PALM3: variants seen among roughly 807,000 people sequenced by gnomAD.
PALM3 encodes the protein paralemmin 3.
A neutral mutation model predicts 27.9 loss-of-function variants in PALM3; 20 were observed. The observed-to-expected ratio is 0.72, with a 90% confidence interval of 0.50 to 1.04. The LOEUF (loss-of-function observed/expected upper bound fraction) is 1.04, where lower values mean the gene tolerates loss of function less well. PALM3 is among the 50% of genes least tolerant of loss of function. The pLI is 0.00. For missense variants in PALM3, 814 were observed against 869.4 expected (o/e 0.94, Z 0.80); for synonymous variants, 328 against 352.7 (o/e 0.93, Z 0.79).
chr19:14,054,977 A>ACG lies in PALM3; in HGVS notation c.693_694dup (p.Val232AlafsTer3). ...CAGCCCTTCCCACACCACACTCACC[A>ACG]CGCCCCCTCCTTTGGCCTCACCCAC... is the stretch of plus-strand genomic sequence containing the variant. On this transcript the variant is annotated frameshift_variant, in exon 7 of 7. Transcript: ENST00000669674. LOFTEE classifies it low-confidence loss of function (END_TRUNC). 6.5e-7 allele frequency: 1 copy of ACG among 1,548,334 alleles called. No individual in the cohort carries two copies. Among genetic ancestry groups the ACG allele is most frequent in the Non-Finnish European group, 8.7e-7 (1 of 1,145,854 alleles).
Position 14,053,894 on chromosome 19 carries a change from T to C in PALM3, c.1778A>G (p.Gln593Arg), listed in dbSNP as rs1976237529. ...CTCCAGGGCTCCTACTGGCTTCTCC[T>C]GGGGCTGGGGTCCTTCCTTCTCTGG... is the stretch of plus-strand genomic sequence containing the variant. ...TRPEKEGPQP[Q>R]EKPVGALEEE... is the part of the protein sequence containing the mutation. Residue 593 changes from glutamine (Q) to arginine (R), a missense_variant, in exon 7 of 7, where the codon CAG becomes CGG. Gln to Arg is a conservative substitution (Grantham distance 43). Coordinates refer to ENST00000669674, the MANE Select transcript of PALM3 (RefSeq NM_001145028.2). 1 of 1,551,604 alleles carries C rather than the reference T, an allele frequency of 6.4e-7. No homozygotes were observed. Among genetic ancestry groups the C allele is most frequent in the South Asian group, 1.2e-5 (1 of 84,068 alleles).
chr19:14,053,749 C>T lies in PALM3; in HGVS notation c.1923G>A (p.Gln641=). ...EQPAECQPLL[Q]GEGPSANPSA... The stretch of plus-strand genomic sequence containing the variant: ...TGGGGTTGGCGCTGGGCCCCTCCCC[C>T]TGAAGCAGTGGCTGGCATTCGGCGG... The change falls in exon 7 of 7, where the codon CAG becomes CAA. Residue 641 remains glutamine, a synonymous_variant. Coordinates refer to ENST00000669674, the MANE Select transcript of PALM3 (RefSeq NM_001145028.2). The T allele has an allele frequency of 6.5e-7, 1 of 1,534,912 alleles. No homozygotes were observed. The highest frequency in any genetic ancestry group is 8.8e-7 in the Non-Finnish European group (1 of 1,139,388).
At chr19:14,059,776 G>C (rs957892162) in intron 1 of PALM3, among the ~76,000 whole-genome samples, 42 of 152,028 alleles carry the variant, frequency 2.8e-4, no homozygotes, top group African/African-American at 1.0e-3. Context: ...GGTAACCCCA[G>C]AGCTGCCTCC....
chr19:14,054,873 T>C lies in PALM3; in HGVS notation c.799A>G (p.Ile267Val), dbSNP rs902165151. Reference sequence around the variant, plus strand: ...CTACCAGCTCCCTTCCTGTCTCCGATGGCTTCCAGCACCACTTCCTCCACC... The same window carrying C: ...CTACCAGCTCCCTTCCTGTCTCCGACGGCTTCCAGCACCACTTCCTCCACC... ...AKVEEVVLEAIGDRKGAGSLE... is the reference protein window; with the variant it reads ...AKVEEVVLEAVGDRKGAGSLE... The change falls in exon 7 of 7, where the codon ATC (isoleucine) becomes GTC (valine). Residue 267 changes from isoleucine to valine, a missense_variant. Ile to Val is a conservative substitution (Grantham distance 29). Coordinates refer to ENST00000669674, the MANE Select transcript of PALM3 (RefSeq NM_001145028.2). 7.7e-6 allele frequency: 12 copies of C among 1,549,288 alleles called. No homozygotes were observed. Among genetic ancestry groups the C allele is most frequent in the Non-Finnish European group, 1.0e-5 (12 of 1,146,744 alleles).
Position 14,059,013 on chromosome 19 carries a change from G to A in PALM3, c.90+102C>T, listed in dbSNP as rs940595891. 33 of 1,125,038 alleles carry A rather than the reference G, an allele frequency of 2.9e-5. No homozygotes were observed. In the Admixed American group the frequency reaches 4.5e-4, roughly 15 times the overall value. 69.7% of individuals were successfully genotyped at this position (1,125,038 alleles called of 1,614,324 possible). On this transcript the variant is annotated intron_variant, in intron 2 of 6. Transcript: ENST00000669674. ...AATTGGTGTGGGGAGCCCTGGGCGG[G>A]GCTGGAGCTGAGGGCGCTCTCCGCA...
chr19:14,056,878 G>T, intron 3 of PALM3, 74 bp from the exon 4 acceptor site: 8 of 1,406,538 alleles, frequency 5.7e-6, no homozygotes, highest in Non-Finnish European at 7.6e-6. Flanking sequence ...CCCGACCTCT[G>T]CAGGCTGGGC....
At position 14,061,302 on chromosome 19, in the gene PALM3, G is replaced by A. The variant is rs1976410534; in HGVS notation, c.41+638C>T. ...ACCGAATTGGGGTCCCTAGTGTGGG[G>A]GGAAGCCCCTTTTCCAAAACTCTTT... is the stretch of plus-strand genomic sequence containing the variant. On this transcript the variant is annotated intron_variant, in intron 1 of 6. Coordinates refer to ENST00000669674, the MANE Select transcript of PALM3 (RefSeq NM_001145028.2). Among the ~76,000 whole-genome samples the A allele has an allele frequency of 3.3e-5, 5 of 152,262 alleles. No homozygotes were observed. In the South Asian group the frequency reaches 1.0e-3, roughly 32 times the overall value.
chr19:14,056,599 C>A, intron 4 of PALM3, 63 bp downstream of exon 4: 1 of 1,551,400 alleles, frequency 6.4e-7, no homozygotes, highest in Admixed American at 2.0e-5. Context: ...TGGAATGTGC[C>A]CAGGGTCTCG....
intron 3 of PALM3, 184 bp from the exon 4 acceptor site, chr19:14,056,988 G>A (rs1351984286): frequency 6.1e-6 from 4 of 652,926 alleles, no homozygotes; most frequent in Non-Finnish European, 7.7e-6. Flanking sequence ...GACATCCCTT[G>A]TTCCAAACCC....
At position 14,055,248 on chromosome 19, in the gene PALM3, G is replaced by A. The variant is rs530680301; in HGVS notation, c.446-22C>T. ...TGGCCTGGGGGAGTCAGAGGTGGAG[G>A]GGAGAGGACAAAAGGGAAGACAGGG... On this transcript the variant is annotated intron_variant, in intron 6 of 6. Transcript: ENST00000669674. 2,626 of 1,399,858 alleles carry A rather than the reference G, an allele frequency of 1.9e-3. 7 individuals carry two copies. The highest frequency in any genetic ancestry group is 2.8e-3 in the South Asian group (205 of 73,122). 86.7% of individuals were successfully genotyped at this position (1,399,858 alleles called of 1,614,324 possible). A position where few individuals can be genotyped will look rare whatever the true frequency, so the allele number is the denominator to read the frequency against.
At chr19:14,055,504 A>G in intron 5 of PALM3, 79 bp from the exon 6 acceptor site, 2 of 1,405,214 alleles carry the variant, frequency 1.4e-6, no homozygotes, top group South Asian at 2.5e-5. Context: ...CTCCCACCCC[A>G]CCACCCCTAA....
At chr19:14,056,572 T>G in intron 4 of PALM3, 59 bp from the exon 5 acceptor site, 2 of 1,549,880 alleles carry the variant, frequency 1.3e-6, no homozygotes, top group Non-Finnish European at 1.7e-6. Context: ...GCTCCTAGAC[T>G]CAAGCGACCA....
At chr19:14,061,737 G>A (rs1312702058) in intron 1 of PALM3, among the ~76,000 whole-genome samples, 1 of 151,998 alleles carries the variant, frequency 6.6e-6, no homozygotes, top group Non-Finnish European at 1.5e-5. Flanking sequence ...GGCAGGGGGA[G>A]CCTATATCTC....
chr19:14,059,838 C>T (rs1976388164), intron 1 of PALM3, among the ~76,000 whole-genome samples: 1 of 152,114 alleles, frequency 6.6e-6, no homozygotes. Flanking sequence ...GTCACTCTGC[C>T]TAGGACTGGA....
intron 3 of PALM3, 150 bp from the exon 4 acceptor site, chr19:14,056,954 G>GC (rs1976316589): frequency 2.6e-6 from 2 of 780,528 alleles, no homozygotes; most frequent in East Asian, 2.7e-5. Context: ...TGGCCACAGT[G>GC]CCCCCCAACG....
At position 14,061,506 on chromosome 19, in the gene PALM3, G is replaced by T. The variant is rs987057465; in HGVS notation, c.41+434C>A. 2.6e-5 allele frequency among the ~76,000 whole-genome samples: 4 copies of T among 152,178 alleles called. No homozygotes were observed. The East Asian group carries it at 5.8e-4, about 22-fold the overall frequency. ...AGTTGGTGGCCATTTCATGAAGGAG[G>T]TCATCCTTGCAATGTTGCCATTGTC... On this transcript the variant is annotated intron_variant, in intron 1 of 6. Coordinates refer to ENST00000669674, the MANE Select transcript of PALM3 (RefSeq NM_001145028.2).
In PALM3 at chr19:14,061,057, G is replaced by A. The variant is rs886986209; in HGVS notation, c.41+883C>T. On this transcript the variant is annotated intron_variant, in intron 1 of 6. Coordinates refer to ENST00000669674, the MANE Select transcript of PALM3 (RefSeq NM_001145028.2). ...ATTACAGGCGTGAGCCACCGTGCCC[G>A]GCCACGAAGTCATGCTTTGCAAGAT... 4.6e-5 allele frequency among the ~76,000 whole-genome samples: 7 copies of A among 152,184 alleles called. No individual in the cohort carries two copies. The South Asian group carries it at 6.2e-4, about 13-fold the overall frequency.
At position 14,053,635 on chromosome 19, in the gene PALM3, T is replaced by C; in HGVS notation, c.2037A>G (p.Gln679=). The C allele has an allele frequency of 6.8e-7, 1 of 1,461,184 alleles. No individual in the cohort carries two copies. Among genetic ancestry groups the C allele is most frequent in the South Asian group, 1.5e-5 (1 of 68,372 alleles). 90.5% of individuals were successfully genotyped at this position (1,461,184 alleles called of 1,614,324 possible). Residue 679 remains glutamine, a synonymous_variant, in exon 7 of 7, where the codon CAA becomes CAG. Transcript: ENST00000669674. Reference sequence around the variant, plus strand: ...TGACCGCACAACACTGGCACGTCTTTTGCTTAGGGCCACTTGCCTCTTCAC... The same window carrying C: ...TGACCGCACAACACTGGCACGTCTTCTGCTTAGGGCCACTTGCCTCTTCAC... ...TEGEEASGPK[Q]KTCQCCAVM
chr19:14,056,570 A>G lies in PALM3; in HGVS notation c.315-57T>C, dbSNP rs1976308173. The G allele has an allele frequency of 4.5e-6, 7 of 1,549,394 alleles. No homozygotes were observed. The South Asian group carries it at 8.3e-5, about 18-fold the overall frequency. ...GCCCCCAGGCTCCTTGGGCTCCTAG[A>G]CTCAAGCGACCACCTCCTTGGAATG... On this transcript the variant is annotated intron_variant, in intron 4 of 6. Coordinates refer to ENST00000669674, the MANE Select transcript of PALM3 (RefSeq NM_001145028.2).
Sources: gnomAD v4.1 joint callset for allele counts (sites outside exome capture counted in the v4.1 genomes callset) on GRCh38, gnomAD v4.1.1 for gene constraint, MANE v1.5 for transcripts, NCBI Gene and HGNC (gene_info 2026-07-23, HGNC 2026-07-21) for gene names.